Variants in NIPBL observed in about 807,000 individuals in gnomAD.
The protein encoded by NIPBL is nipped-B-like protein.
Under a neutral mutation model 321.8 loss-of-function variants are expected in NIPBL, and 19 were observed. The ratio of observed to expected loss-of-function variants is 0.06; its 90% confidence interval spans 0.04 to 0.09. NIPBL has a LOEUF of 0.09. NIPBL is among the 10% of genes least tolerant of loss of function. The pLI is 1.00. For missense variants in NIPBL, 2,210 were observed against 3,327.0 expected (o/e 0.66, Z 8.26); for synonymous variants, 1,106 against 1,114.1 (o/e 0.99, Z 0.14).
At chr5:37,056,953 T>C (rs1354696399) in intron 42 of NIPBL, among the ~76,000 whole-genome samples, 1 of 151,948 alleles carries the variant, frequency 6.6e-6, no homozygotes, top group Non-Finnish European at 1.5e-5. Flanking sequence ...GTTCCCCCTT[T>C]TCCCTTTTTG....
intron 42 of NIPBL, 133 bp from the exon 43 acceptor site, chr5:37,057,053 T>C: frequency 1.2e-6 from 1 of 823,830 alleles, no homozygotes; most frequent in South Asian, 1.5e-5. Flanking sequence ...CCCCACTCTC[T>C]CCGTGTGTGT....
rs750864821 is a variant in NIPBL at position 37,022,283 on chromosome 5, A to C, written c.5467A>C (p.Asn1823His). The change falls in exon 29 of 47, where the codon AAT (asparagine) becomes CAT (histidine). Residue 1823 changes from asparagine (N) to histidine (H), a missense_variant. Around this residue, in one of 14 missense-constraint regions of NIPBL, gnomAD observed 49 missense variants for 163.6 expected, o/e 0.30. Transcript: ENST00000282516. ...QRGVHGRLMD[N>H]STSVREAAVE... ...AGGTGTTCATGGACGATTGATGGAT[A>C]ATTCGACTAGTGTCCGAGAAGCAGC... 2 of 1,614,058 alleles carry C rather than the reference A, an allele frequency of 1.2e-6. No homozygotes were observed. Among genetic ancestry groups the C allele is most frequent in the South Asian group, 2.2e-5 (2 of 91,072 alleles).
At chr5:36,925,667 C>G (rs1247542521) in intron 1 of NIPBL, among the ~76,000 whole-genome samples, 3 of 152,174 alleles carry the variant, frequency 2.0e-5, no homozygotes, top group African/African-American at 7.2e-5. Context: ...TAAAGTCTTT[C>G]AACTAGTACG....
chr5:36,974,962 A>G (rs955035843), intron 8 of NIPBL, among the ~76,000 whole-genome samples: 2 of 152,002 alleles, frequency 1.3e-5, no homozygotes, highest in East Asian at 1.9e-4. Context: ...TTTTTCCTTC[A>G]TGTCTGAAGG....
In NIPBL at chr5:36,876,984, A is replaced by G. The variant is rs1350663842; in HGVS notation, c.-274A>G. ...TGGTCGGGTGTTTGTGAGTGTTTCTATGTGGGAGAAGGAGGAGGAGGAGGA... is the reference window on the plus strand; with the variant it reads ...TGGTCGGGTGTTTGTGAGTGTTTCTGTGTGGGAGAAGGAGGAGGAGGAGGA... On this transcript the variant is annotated 5_prime_UTR_variant, in exon 1 of 47. An upstream start codon of the reference 5' UTR is lost. Transcript: ENST00000282516. The G allele has an allele frequency of 5.2e-6, 2 of 387,056 alleles. No homozygotes were observed. Among genetic ancestry groups the G allele is most frequent in the Non-Finnish European group, 9.1e-6 (2 of 218,924 alleles). 24.0% of individuals were successfully genotyped at this position (387,056 alleles called of 1,614,324 possible).
intron 1 of NIPBL, among the ~76,000 whole-genome samples, chr5:36,886,880 T>C (rs1434789142): frequency 6.6e-6 from 1 of 152,070 alleles, no homozygotes; most frequent in African/African-American, 2.4e-5. Flanking sequence ...TTTTATGTCT[T>C]TTTTTTAAAT....
intron 6 of NIPBL, among the ~76,000 whole-genome samples, chr5:36,967,469 T>G (rs537732489): frequency 9.2e-5 from 14 of 152,314 alleles, no homozygotes; most frequent in South Asian, 6.2e-4. Context: ...TGAAGAGATA[T>G]GCTAATCTTA....
intron 7 of NIPBL, 42 bp downstream of exon 7, chr5:36,971,078 T>G: frequency 6.6e-7 from 1 of 1,518,060 alleles, no homozygotes; most frequent in South Asian, 1.1e-5. Context: ...ATAGTTCTAA[T>G]ATTTGTCATA....
rs2149760863 is a variant in NIPBL, at chr5:37,064,572, G to A, written c.8095G>A (p.Ala2699Thr). The A allele has an allele frequency of 2.5e-6, 4 of 1,614,078 alleles. No individual in the cohort carries two copies. Among genetic ancestry groups the A allele is most frequent in the African/African-American group, 1.3e-5 (1 of 75,036 alleles). Residue 2699 changes from alanine to threonine, a missense_variant, in exon 47 of 47, where the codon GCA becomes ACA. Ala to Thr is a moderately conservative substitution (Grantham distance 58, BLOSUM62 0). Transcript: ENST00000282516. ...KRNSDSTELA[A>T]QMNESVDVMD... is the part of the protein sequence containing the mutation. ...AAATTCAGACTCTACGGAGTTGGCA[G>A]CACAGATGAATGAAAGTGTTGACGT...
At chr5:37,050,753 A>G (rs1418894568) in intron 40 of NIPBL, among the ~76,000 whole-genome samples, 3 of 152,172 alleles carry the variant, frequency 2.0e-5, no homozygotes, top group Non-Finnish European at 2.9e-5. Flanking sequence ...GAAGTTTAAC[A>G]CTGATACAAT....
At chr5:36,925,367 CAAGT>C (rs1245688201) in intron 1 of NIPBL, among the ~76,000 whole-genome samples, 1 of 151,182 alleles carries the variant, frequency 6.6e-6, no homozygotes, top group East Asian at 1.9e-4. Flanking sequence ...CTCCTGGGTT[CAAGT>C]GATTCTCCTG....
In NIPBL at chr5:36,986,320, A is replaced by C. The variant is rs770046926; in HGVS notation, c.3121+19A>C. 1.4e-6 allele frequency: 2 copies of C among 1,423,220 alleles called. No homozygotes were observed. The highest frequency in any genetic ancestry group is 4.6e-5 in the East Asian group (2 of 43,084). 88.2% of individuals were successfully genotyped at this position (1,423,220 alleles called of 1,614,324 possible). On this transcript the variant is annotated intron_variant, in intron 10 of 46. Transcript: ENST00000282516. ...AATAAAGGTAAGAATACTTCTACTGATGTCATTTATAATATAATCGATTTT... is the reference window on the plus strand; with the variant it reads ...AATAAAGGTAAGAATACTTCTACTGCTGTCATTTATAATATAATCGATTTT...
intron 46 of NIPBL, chr5:37,064,230 ATG>A (rs1166147991): frequency 3.6e-6 from 5 of 1,387,114 alleles, no homozygotes; most frequent in South Asian, 3.3e-5. Context: ...AATTGTATTA[ATG>A]TGTGTTATTT....
Position 36,986,081 on chromosome 5 carries a change from C to T in NIPBL, c.2901C>T (p.Gly967=). 6.2e-7 allele frequency: 1 copy of T among 1,613,602 alleles called. No individual in the cohort carries two copies. The highest frequency in any genetic ancestry group is 1.1e-5 in the South Asian group (1 of 91,046). ...VIPKIKRDKD[G]NVTQETKKME... ...CGAAAATCAAGAGGGATAAAGATGG[C>T]AATGTTACTCAGGAGACAAAGAAAA... Residue 967 remains glycine, a synonymous_variant, in exon 10 of 47, where the codon GGC becomes GGT. Transcript: ENST00000282516.
intron 1 of NIPBL, among the ~76,000 whole-genome samples, chr5:36,927,084 A>ATT (rs1749422388): frequency 6.6e-6 from 1 of 152,122 alleles, no homozygotes; most frequent in Admixed American, 6.6e-5. Context: ...TCCCTCTAAT[A>ATT]TTTGCTTTAT....
chr5:36,980,994 T>C (rs937812224), intron 9 of NIPBL, among the ~76,000 whole-genome samples: 3 of 151,740 alleles, frequency 2.0e-5, no homozygotes, highest in Non-Finnish European at 4.4e-5. Flanking sequence ...GTGGTGGTTT[T>C]AGAGCCCTTA....
intron 6 of NIPBL, among the ~76,000 whole-genome samples, chr5:36,969,431 T>G (rs1390974614): frequency 6.6e-6 from 1 of 152,198 alleles, no homozygotes; most frequent in Middle Eastern, 3.4e-3. Flanking sequence ...TATAGTGAAG[T>G]AGAACATGAT....
intron 6 of NIPBL, among the ~76,000 whole-genome samples, chr5:36,965,230 T>A (rs1468509213): frequency 1.3e-5 from 2 of 152,140 alleles, no homozygotes; most frequent in African/African-American, 4.8e-5. Flanking sequence ...ACGCCCATGT[T>A]TATTGCAGTA....
chr5:37,056,278 T>C (rs527525178), intron 42 of NIPBL, among the ~76,000 whole-genome samples: 1 of 152,292 alleles, frequency 6.6e-6, no homozygotes, highest in East Asian at 1.9e-4. Flanking sequence ...ATTCCATCTG[T>C]GCTATGGGAT....
Sources: allele counts gnomAD v4.1 joint callset (sites outside exome capture counted in the v4.1 genomes callset), GRCh38; gene constraint gnomAD v4.1.1; regional missense constraint gnomAD v4.1.1; transcripts MANE v1.5; gene names NCBI Gene and HGNC (gene_info 2026-07-23, HGNC 2026-07-21).